ENTREP2: variants seen among roughly 807,000 people sequenced by gnomAD.
ENTREP2 encodes protein ENTREP2.
chr15:29,411,993 T>TA, the ENTREP2 span, among the ~76,000 whole-genome samples: 2 of 152,350 alleles, frequency 1.3e-5, 1 homozygote, highest in South Asian at 4.1e-4. Context: ...ATGAGTCTTA[T>TA]ACGTGGTAGC....
At chr15:29,597,509 T>A in the ENTREP2 span, among the ~76,000 whole-genome samples, 71,727 of 150,674 alleles carry the variant, frequency 0.48, 17,571 homozygotes, top group Non-Finnish European at 0.54. Flanking sequence ...CGGAGGTTGC[T>A]GTGAGCCGAG....
At chr15:29,166,225 G>C in the ENTREP2 span, among the ~76,000 whole-genome samples, 1 of 152,092 alleles carries the variant, frequency 6.6e-6, no homozygotes, top group Non-Finnish European at 1.5e-5. Context: ...ATACTGAATG[G>C]GGAAAAACTG....
chr15:29,360,379 C>T, the ENTREP2 span, among the ~76,000 whole-genome samples: 1 of 151,966 alleles, frequency 6.6e-6, no homozygotes, highest in Non-Finnish European at 1.5e-5. Flanking sequence ...AAAGGAAGTC[C>T]ATTAGGAAAG....
chr15:29,484,775 T>C, the ENTREP2 span, among the ~76,000 whole-genome samples: 1 of 152,202 alleles, frequency 6.6e-6, no homozygotes, highest in African/African-American at 2.4e-5. Context: ...ATAAATTCTT[T>C]ACTGAATGAA....
At chr15:29,451,177 A>C in the ENTREP2 span, among the ~76,000 whole-genome samples, 1 of 152,222 alleles carries the variant, frequency 6.6e-6, no homozygotes, top group African/African-American at 2.4e-5. Flanking sequence ...GTTCCCACTG[A>C]GCCTCTGGTG....
the ENTREP2 span, among the ~76,000 whole-genome samples, chr15:29,665,325 G>A: frequency 6.6e-6 from 1 of 152,326 alleles, no homozygotes. Context: ...GCAGCTGCTG[G>A]GTACTTGCAA....
At chr15:29,567,440 T>C in the ENTREP2 span, among the ~76,000 whole-genome samples, 116 of 152,306 alleles carry the variant, frequency 7.6e-4, no homozygotes, top group African/African-American at 2.5e-3. Flanking sequence ...TTCTGCCTAA[T>C]CGTTAGCAGG....
At chr15:29,657,334 T>C in the ENTREP2 span, among the ~76,000 whole-genome samples, 5 of 146,882 alleles carry the variant, frequency 3.4e-5, no homozygotes, top group Non-Finnish European at 7.4e-5. Context: ...CGCCCACCAG[T>C]GTTACAGCTC....
At chr15:29,494,175 A>T in the ENTREP2 span, among the ~76,000 whole-genome samples, 1 of 151,182 alleles carries the variant, frequency 6.6e-6, no homozygotes, top group Admixed American at 6.6e-5. Context: ...AAAGTATCAG[A>T]CCTAATACGA....
chr15:29,512,057 A>AT, the ENTREP2 span, among the ~76,000 whole-genome samples: 1 of 151,816 alleles, frequency 6.6e-6, no homozygotes, highest in Non-Finnish European at 1.5e-5. Flanking sequence ...ATGGTGAACG[A>AT]TATTACTGCC....
At chr15:29,476,699 C>A in the ENTREP2 span, among the ~76,000 whole-genome samples, 1 of 152,218 alleles carries the variant, frequency 6.6e-6, no homozygotes, top group African/African-American at 2.4e-5. Flanking sequence ...CACCTGGAAG[C>A]AGGGGACGAG....
chr15:29,465,230 G>GA, the ENTREP2 span, among the ~76,000 whole-genome samples: 1 of 151,998 alleles, frequency 6.6e-6, no homozygotes, highest in African/African-American at 2.4e-5. Context: ...TGTGCAAGCA[G>GA]AAAAAAGAGC....
the ENTREP2 span, chr15:29,151,874 C>T: frequency 6.0e-6 from 9 of 1,497,440 alleles, no homozygotes; most frequent in South Asian, 9.6e-5. Flanking sequence ...ATGTCAGCCT[C>T]ATCCCGAAAT....
chr15:29,332,712 C>A, the ENTREP2 span, among the ~76,000 whole-genome samples: 4 of 152,126 alleles, frequency 2.6e-5, no homozygotes, highest in African/African-American at 9.7e-5. Flanking sequence ...GTAATCCCAG[C>A]ACTTTCGGAG....
chr15:29,248,149 A>G, the ENTREP2 span, among the ~76,000 whole-genome samples: 1 of 152,236 alleles, frequency 6.6e-6, no homozygotes, highest in Non-Finnish European at 1.5e-5. Flanking sequence ...TAGAGTATTC[A>G]GAAAATGGTT....
At chr15:29,415,057 G>T in the ENTREP2 span, among the ~76,000 whole-genome samples, 2 of 152,116 alleles carry the variant, frequency 1.3e-5, no homozygotes, top group Non-Finnish European at 2.9e-5. Context: ...ATTCACAGCC[G>T]AATTCTACCA....
chr15:29,475,948 C>T, the ENTREP2 span, among the ~76,000 whole-genome samples: 1 of 152,326 alleles, frequency 6.6e-6, no homozygotes, highest in African/African-American at 2.4e-5. Flanking sequence ...AAGATCTGCT[C>T]ATGAGACAAG....
At chr15:29,132,398 C>T in the ENTREP2 span, among the ~76,000 whole-genome samples, 9 of 152,174 alleles carry the variant, frequency 5.9e-5, no homozygotes, top group East Asian at 3.9e-4. Flanking sequence ...ACAGTGGGCC[C>T]GAGGGCTCTA....
At chr15:29,234,224 G>C in the ENTREP2 span, 5 of 1,610,848 alleles carry the variant, frequency 3.1e-6, no homozygotes, top group South Asian at 5.5e-5. Flanking sequence ...CTTAACTGGT[G>C]GTTGTCGTAA....
Sources: gnomAD v4.1 joint callset for allele counts (sites outside exome capture counted in the v4.1 genomes callset) on GRCh38, gnomAD v4.1.1 for gene constraint, MANE v1.5 for transcripts, NCBI Gene and HGNC (gene_info 2026-07-23, HGNC 2026-07-21) for gene names.